The following FUZ variants were observed in gnomAD, a reference collection of about 807,000 sequenced individuals.
FUZ encodes protein fuzzy homolog.
Under a neutral mutation model 43.1 loss-of-function variants are expected in FUZ, and 31 were observed. The observed-to-expected ratio is 0.72, with a 90% CI of 0.54 to 0.97. FUZ has a LOEUF of 0.97. FUZ is among the 50% of genes least tolerant of loss of function. The pLI is 0.00. For synonymous variants in FUZ, 274 were observed against 250.0 expected, an observed-to-expected ratio of 1.10 and a Z score of -0.91; for missense variants, 539 against 543.8, an observed-to-expected ratio of 0.99 and a Z score of 0.09.
chr19:49,809,993 T>G lies in FUZ; in HGVS notation c.493-418A>C, dbSNP rs1486751193. Reference sequence around the variant, plus strand: ...ATTTAAGTAGAGGTAGCTAGAGATCTGAGAGGCAGGAGGAAGAACATGCAC... The same window carrying G: ...ATTTAAGTAGAGGTAGCTAGAGATCGGAGAGGCAGGAGGAAGAACATGCAC... On this transcript the variant is annotated intron_variant, in intron 5 of 10. Transcript: ENST00000313777. This position sits in a 1 kb window ranked among gnomAD's most constrained non-coding sequence, Gnocchi z 5.1. The G allele has an allele frequency of 3.2e-6, 1 of 314,214 alleles. No homozygotes were observed. Among genetic ancestry groups the G allele is most frequent in the Non-Finnish European group, 6.1e-6 (1 of 162,910 alleles). 19.5% of individuals were successfully genotyped at this position (314,214 alleles called of 1,614,324 possible).
chr19:49,808,711 C>T lies in FUZ; in HGVS notation c.893+6G>A. Reference sequence around the variant, plus strand: ...CCCCGACCCACTCCCTCCATCCGAGCCCTACCCGAGGATGTCTGTGTGAAG... The same window carrying T: ...CCCCGACCCACTCCCTCCATCCGAGTCCTACCCGAGGATGTCTGTGTGAAG... On this transcript the variant is annotated splice_donor_region_variant and intron_variant, in intron 8 of 10. Transcript: ENST00000313777. 6.3e-7 allele frequency: 1 copy of T among 1,596,098 alleles called. No homozygotes were observed. The highest frequency in any genetic ancestry group is 1.7e-4 in the Middle Eastern group (1 of 6,048).
chr19:49,812,117 C>CA (rs769073752), intron 3 of FUZ, 134 bp downstream of exon 3: 6 of 729,192 alleles, frequency 8.2e-6, no homozygotes, highest in African/African-American at 1.8e-5. Flanking sequence ...CAAAACAAAA[C>CA]AAACAAACAA....
chr19:49,808,358 G>T, intron 10 of FUZ, 56 bp downstream of exon 10: 2 of 1,555,496 alleles, frequency 1.3e-6, no homozygotes, highest in Non-Finnish European at 1.7e-6. Context: ...CATTTTGTGC[G>T]ACCTGGGACT....
At position 49,807,367 on chromosome 19, in the gene FUZ, C is replaced by T; in HGVS notation, c.1041G>A (p.Gly347=). The T allele has an allele frequency of 6.2e-7, 1 of 1,612,386 alleles. No individual in the cohort carries two copies. Among genetic ancestry groups the T allele is most frequent in the Non-Finnish European group, 8.5e-7 (1 of 1,179,452 alleles). The change falls in exon 11 of 11, where the codon GGG becomes GGA. Residue 347 remains glycine (G), a synonymous_variant. Transcript: ENST00000313777. ...VTSTHFPPEP[G]PPEKTEDEVY... ...CCTCATCTTCTGTCTTCTCTGGTGG[C>T]CCTGGCTCTGGAGAAAGAACAGGGG...
intron 3 of FUZ, 57 bp downstream of exon 3, chr19:49,812,194 G>T: frequency 8.1e-7 from 1 of 1,238,902 alleles, no homozygotes. Flanking sequence ...TGAGGGAAAA[G>T]GATGCTGAGA....
chr19:49,807,848 C>A (rs2073479221), intron 10 of FUZ, among the ~76,000 whole-genome samples: 1 of 152,214 alleles, frequency 6.6e-6, no homozygotes. Flanking sequence ...GGTCACAGCG[C>A]CATCCCAGGT....
At position 49,806,942 on chromosome 19, in the gene FUZ, G is replaced by A. The variant is rs772811941; in HGVS notation, c.*209C>T. On this transcript the variant is annotated 3_prime_UTR_variant, in exon 11 of 11. Transcript: ENST00000313777. ...TCATCTGCTGCTGTTTACATTCTGG[G>A]GGGTTAGGGGGAGTCCCCCTCCCTC... The A allele has an allele frequency of 2.4e-5, 37 of 1,533,820 alleles. No individual in the cohort carries two copies. The South Asian group carries it at 3.8e-4, about 16-fold the overall frequency.
intron 5 of FUZ, chr19:49,811,082 C>T (rs1411499111): frequency 6.3e-6 from 3 of 475,258 alleles, no homozygotes; most frequent in African/African-American, 6.0e-5. Flanking sequence ...ACCCGGGAGG[C>T]GCAGGCTGCA....
Position 49,808,587 on chromosome 19 carries a change from G to C in FUZ, c.945C>G (p.Pro315=). The C allele has an allele frequency of 5.0e-6, 8 of 1,611,386 alleles. No homozygotes were observed. The highest frequency in any genetic ancestry group is 5.9e-6 in the Non-Finnish European group (7 of 1,178,872). The part of the protein sequence containing the change: ...ELKRCLFTVE[P]LGDKEPSPEQ... ...GTCCTCAGTCACCTTTATCCCCCAA[G>C]GGCTCCACGGTGAAGAGGCAGCGCT... Residue 315 remains proline, a synonymous_variant, in exon 9 of 11, where the codon CCC becomes CCG. Coordinates refer to ENST00000313777, the MANE Select transcript of FUZ (RefSeq NM_025129.5).
intron 4 of FUZ, 63 bp from the exon 5 acceptor site, chr19:49,811,530 C>A (rs753787518): frequency 3.8e-6 from 6 of 1,583,632 alleles, no homozygotes; most frequent in Admixed American, 1.7e-5. Flanking sequence ...CAACCAAGAA[C>A]CTGTGGGACC....
intron 10 of FUZ, among the ~76,000 whole-genome samples, chr19:49,807,908 G>A (rs1406770956): frequency 2.6e-5 from 4 of 152,096 alleles, no homozygotes; most frequent in African/African-American, 4.8e-5. Context: ...CAATTTTTCC[G>A]TTCTAACCCA....
rs35832552 is a variant in FUZ at position 49,811,658 on chromosome 19, G to T, written c.360C>A (p.Asn120Lys). The T allele has an allele frequency of 6.2e-7, 1 of 1,614,110 alleles. No individual in the cohort carries two copies. The highest frequency in any genetic ancestry group is 2.2e-5 in the East Asian group (1 of 44,892). The change falls in exon 4 of 11, where the codon AAC becomes AAA. Residue 120 changes from asparagine (N) to lysine (K), a missense_variant. Physicochemically the swap from Asn to Lys is moderately conservative, Grantham distance 94. Coordinates refer to ENST00000313777, the MANE Select transcript of FUZ (RefSeq NM_025129.5). Reference protein sequence around the residue: ...VGLEELTNIRNVERLKKDLRA... With the variant: ...VGLEELTNIRKVERLKKDLRA... ...TCAAGTCCTTCTTCAGTCTCTCCAC[G>T]TTGCGGATATTGGTCAGTTCTTCAA...
In FUZ at chr19:49,809,166, T is replaced by G; in HGVS notation, c.783A>C (p.Pro261=). The G allele has an allele frequency of 1.9e-6, 3 of 1,551,556 alleles. No individual in the cohort carries two copies. Among genetic ancestry groups the G allele is most frequent in the Non-Finnish European group, 2.6e-6 (3 of 1,147,088 alleles). The change falls in exon 7 of 11, where the codon CCA becomes CCC. Residue 261 remains proline, a synonymous_variant. Transcript: ENST00000313777. The surrounding 1 kb of genome is among the most constrained non-coding windows in gnomAD (Gnocchi z 5.1). ...GPSPPLSQLY[P]QLLERWWQPL... The stretch of plus-strand genomic sequence containing the variant: ...GCGGGACGTGGCGCGGGTTCACCTG[T>G]GGATACAACTGGCTGAGGGGTGGGC...
At position 49,809,584 on chromosome 19, in the gene FUZ, G is replaced by T. The variant is rs765544634; in HGVS notation, c.493-9C>A. ...AACCCGGAGAGGGCTTCCTGGGTAC[G>T]GGAGGCAGGAGGACTGGGAGTCAGC... is the stretch of plus-strand genomic sequence containing the variant. On this transcript the variant is annotated splice_polypyrimidine_tract_variant and intron_variant, in intron 5 of 10. Transcript: ENST00000313777. This position sits in a 1 kb window ranked among gnomAD's most constrained non-coding sequence, Gnocchi z 5.1. 6.3e-7 allele frequency: 1 copy of T among 1,585,960 alleles called. No homozygotes were observed. Among genetic ancestry groups the T allele is most frequent in the Non-Finnish European group, 8.5e-7 (1 of 1,171,786 alleles).
chr19:49,812,165 T>A, intron 3 of FUZ, 86 bp downstream of exon 3: 1 of 865,482 alleles, frequency 1.2e-6, no homozygotes, highest in Non-Finnish European at 1.9e-6. Context: ...GAAGTGTTGG[T>A]GGTCTGCACT....
In FUZ at chr19:49,808,559, C is replaced by CCTGCCA; in HGVS notation, c.958+14_958+15insTGGCAG. 1 of 1,602,642 alleles carries CCTGCCA rather than the reference C, an allele frequency of 6.2e-7. No individual in the cohort carries two copies. The highest frequency in any genetic ancestry group is 1.7e-5 in the Admixed American group (1 of 58,176). ...CGCCCCTCCTACCCCTGCCCCTGCC[C>CCTGCCA]CTGTCCTCAGTCACCTTTATCCCCC... On this transcript the variant is annotated intron_variant, in intron 9 of 10. Transcript: ENST00000313777.
chr19:49,809,499 G>A lies in FUZ; in HGVS notation c.569C>T (p.Ala190Val). 1 of 1,593,444 alleles carries A rather than the reference G, an allele frequency of 6.3e-7. No homozygotes were observed. Among genetic ancestry groups the A allele is most frequent in the Non-Finnish European group, 8.5e-7 (1 of 1,173,792 alleles). The change falls in exon 6 of 11, where the codon GCA becomes GTA. Residue 190 changes from alanine (A) to valine (V), a missense_variant. Transcript: ENST00000313777. This position sits in a 1 kb window ranked among gnomAD's most constrained non-coding sequence, Gnocchi z 5.1. ...SLVVSGRVVA[A>V]TEGWWRLGTP... ...CCCCAGCCGCCACCAACCCTCTGTT[G>A]CTGCCACCACCCGGCCGGACACCAC...
At chr19:49,811,214 GA>G in intron 5 of FUZ, 148 bp downstream of exon 5, 1 of 682,296 alleles carries the variant, frequency 1.5e-6, no homozygotes, top group Non-Finnish European at 2.7e-6. Context: ...AAAAAAAAAA[GA>G]AAAAAGATTC....
At chr19:49,813,346 C>T (rs752240337), upstream of FUZ, 6 of 602,826 alleles carry the variant, frequency 1.0e-5, no homozygotes, top group South Asian at 1.1e-4. Context: ...GTCACGGTAC[C>T]CCTAACAAAG....
Sources: gnomAD v4.1 joint callset for allele counts (sites outside exome capture counted in the v4.1 genomes callset) on GRCh38, gnomAD v4.1.1 for gene constraint, Gnocchi (gnomAD v3.1) non-coding constraint, MANE v1.5 for transcripts, NCBI Gene and HGNC (gene_info 2026-07-23, HGNC 2026-07-21) for gene names.